The following HDAC11 variants were observed in gnomAD, a reference collection of about 807,000 sequenced individuals.
HDAC11 encodes histone deacetylase 11.
A neutral mutation model predicts 41.1 loss-of-function variants in HDAC11; 23 were observed. The observed-to-expected ratio is 0.56, with a 90% CI of 0.40 to 0.79. HDAC11 has a LOEUF of 0.79. HDAC11 is among the 30% of genes least tolerant of loss of function. HDAC11 has a pLI of 0.00. For missense variants in HDAC11, 402 were observed against 477.3 expected (o/e 0.84, Z 1.47); for synonymous variants, 187 against 186.6 (o/e 1.00, Z -0.02).
At chr3:13,496,226 G>C (rs1702088044) in intron 3 of HDAC11, among the ~76,000 whole-genome samples, 1 of 152,222 alleles carries the variant, frequency 6.6e-6, no homozygotes, top group Admixed American at 6.5e-5. Context: ...TTGCCAGGAA[G>C]GTCCGATTCC....
At chr3:13,486,104 C>G (rs1200645892) in intron 3 of HDAC11, among the ~76,000 whole-genome samples, 2 of 151,764 alleles carry the variant, frequency 1.3e-5, no homozygotes, top group Non-Finnish European at 2.9e-5. Context: ...CCTGTCTCTA[C>G]TAAAACTACA....
intron 3 of HDAC11, among the ~76,000 whole-genome samples, chr3:13,488,155 G>GA (rs1403060764): frequency 6.6e-6 from 1 of 151,900 alleles, no homozygotes; most frequent in African/African-American, 2.4e-5. Context: ...GGAGCACCTG[G>GA]AGGGACCCTG....
chr3:13,481,990 C>A (rs553962293), intron 2 of HDAC11, among the ~76,000 whole-genome samples: 1 of 152,166 alleles, frequency 6.6e-6, no homozygotes, highest in Non-Finnish European at 1.5e-5. Flanking sequence ...ATATGGCACT[C>A]ATTATAAGAT....
In HDAC11 at chr3:13,502,554, C is replaced by G. The variant is rs925074381; in HGVS notation, c.553-330C>G. 2 of 263,522 alleles carry G rather than the reference C, an allele frequency of 7.6e-6. No individual in the cohort carries two copies. Among genetic ancestry groups the G allele is most frequent in the Non-Finnish European group, 1.5e-5 (2 of 135,668 alleles). 16.3% of individuals were successfully genotyped at this position (263,522 alleles called of 1,614,324 possible). A position where few individuals can be genotyped will look rare whatever the true frequency, so the allele number is the denominator to read the frequency against. On this transcript the variant is annotated intron_variant, in intron 7 of 9. Transcript: ENST00000295757. This position sits in a 1 kb window ranked among gnomAD's most constrained non-coding sequence, Gnocchi z 4.1. ...GACCCCGAACTCCTGAGCCAGGTCA[C>G]ATGTGGACAGTCCTTTACAGTTTGC...
At position 13,480,407 on chromosome 3, in the gene HDAC11, C is replaced by T. The variant is rs538517688; in HGVS notation, c.2+58C>T. The T allele has an allele frequency of 9.3e-7, 1 of 1,070,446 alleles. No individual in the cohort carries two copies. Among genetic ancestry groups the T allele is most frequent in the African/African-American group, 1.7e-5 (1 of 59,596 alleles). 66.3% of individuals were successfully genotyped at this position (1,070,446 alleles called of 1,614,324 possible). On this transcript the variant is annotated intron_variant, in intron 1 of 9. Coordinates refer to ENST00000295757, the MANE Select transcript of HDAC11 (RefSeq NM_024827.4). The surrounding 1 kb of genome is among the most constrained non-coding windows in gnomAD (Gnocchi z 4.6). ...TCCCAGGGGTCCCGGTGGGCGGGCG[C>T]GCTAGGGCGAGGGCGGGGACGGCCG... is the stretch of plus-strand genomic sequence containing the variant.
rs778570866 is a variant in HDAC11 at position 13,504,276 on chromosome 3, C to T, written c.828+4C>T. 11 of 1,612,608 alleles carry T rather than the reference C, an allele frequency of 6.8e-6. No homozygotes were observed. Among genetic ancestry groups the T allele is most frequent in the Admixed American group, 3.3e-5 (2 of 60,012 alleles). ...GGGGCTGTCCATCAGCCCAGCGGTA[C>T]GTCCTGACCCTTGGGGCCACGGGAG... On this transcript the variant is annotated splice_donor_region_variant and intron_variant, in intron 9 of 9. Transcript: ENST00000295757.
At chr3:13,497,446 T>G (rs1702152043) in intron 4 of HDAC11, among the ~76,000 whole-genome samples, 1 of 152,138 alleles carries the variant, frequency 6.6e-6, no homozygotes, top group Non-Finnish European at 1.5e-5. Flanking sequence ...CCCAAAGTAC[T>G]GGGATTACAG....
intron 3 of HDAC11, among the ~76,000 whole-genome samples, chr3:13,486,339 C>T (rs1015731530): frequency 4.0e-5 from 6 of 149,690 alleles, no homozygotes; most frequent in Non-Finnish European, 8.9e-5. Flanking sequence ...TATTGAATGC[C>T]AACTGTACAG....
chr3:13,493,349 G>A (rs79011084), intron 3 of HDAC11, among the ~76,000 whole-genome samples: 2,301 of 152,128 alleles, frequency 0.015, 46 homozygotes, highest in African/African-American at 0.052. Context: ...CCCGCCACTA[G>A]TCCGCCCCAC....
chr3:13,506,168 G>A lies in HDAC11; in HGVS notation c.*1485G>A, dbSNP rs942655101. On this transcript the variant is annotated 3_prime_UTR_variant, in exon 10 of 10. Coordinates refer to ENST00000295757, the MANE Select transcript of HDAC11 (RefSeq NM_024827.4). The stretch of plus-strand genomic sequence containing the variant: ...TGCCGTTGGTCTCTGTCGCTGACTC[G>A]AGGCACCTAACATCCATTCACACCC... 3 of 152,292 alleles carry A rather than the reference G, an allele frequency of 2.0e-5. No individual in the cohort carries two copies. Among genetic ancestry groups the A allele is most frequent in the East Asian group, 1.9e-4 (1 of 5,176 alleles). The allele number at this position is 152,292 out of a possible 1,614,324, so 9.4% of individuals were successfully genotyped here.
At chr3:13,496,924 C>G (rs1303064178) in intron 4 of HDAC11, 72 bp downstream of exon 4, 1 of 699,226 alleles carries the variant, frequency 1.4e-6, no homozygotes, top group African/African-American at 1.9e-5. Flanking sequence ...CTCCTTTGCC[C>G]TGGAATGCCC....
At chr3:13,488,583 T>C (rs568840031) in intron 3 of HDAC11, among the ~76,000 whole-genome samples, 2 of 152,364 alleles carry the variant, frequency 1.3e-5, no homozygotes, top group South Asian at 2.1e-4. Flanking sequence ...ATCTGTGTTG[T>C]GTTGTAGCAT....
chr3:13,485,617 A>G (rs908079390), intron 3 of HDAC11, among the ~76,000 whole-genome samples: 24 of 152,276 alleles, frequency 1.6e-4, no homozygotes, highest in East Asian at 5.8e-4. Context: ...GCAGCTTACT[A>G]TGTGATATAT....
chr3:13,491,352 G>A (rs1046105167), intron 3 of HDAC11, among the ~76,000 whole-genome samples: 1 of 151,912 alleles, frequency 6.6e-6, no homozygotes, highest in African/African-American at 2.4e-5. Context: ...ATTTTTTAAC[G>A]CCTTTTATCA....
chr3:13,501,777 C>A, intron 6 of HDAC11, 94 bp from the exon 7 acceptor site: 3 of 1,137,752 alleles, frequency 2.6e-6, no homozygotes, highest in South Asian at 1.2e-5. Flanking sequence ...ATTAGGCCCC[C>A]CTCCCCGCCC....
intron 3 of HDAC11, among the ~76,000 whole-genome samples, chr3:13,483,947 T>G (rs977446487): frequency 9.2e-5 from 14 of 152,088 alleles, no homozygotes; most frequent in Non-Finnish European, 1.0e-4. Context: ...TTTGTTTGTT[T>G]GTTCATTTTT....
intron 3 of HDAC11, among the ~76,000 whole-genome samples, chr3:13,493,734 G>A (rs142124062): frequency 1.3e-5 from 2 of 152,314 alleles, no homozygotes; most frequent in African/African-American, 4.8e-5. Flanking sequence ...TGAGGGGCTC[G>A]TCTCGCCAAC....
chr3:13,500,849 G>A (rs2125010864), intron 6 of HDAC11, 60 bp downstream of exon 6: 1 of 1,243,136 alleles, frequency 8.0e-7, no homozygotes. Flanking sequence ...CCTCCCCATA[G>A]CTCCAAATTA....
At chr3:13,485,742 A>C (rs1330174154) in intron 3 of HDAC11, among the ~76,000 whole-genome samples, 1 of 152,148 alleles carries the variant, frequency 6.6e-6, no homozygotes, top group Non-Finnish European at 1.5e-5. Flanking sequence ...CTATGATTGC[A>C]CCACTGCACT....
Sources: gnomAD v4.1 joint callset for allele counts (sites outside exome capture counted in the v4.1 genomes callset) on GRCh38, gnomAD v4.1.1 for gene constraint, Gnocchi (gnomAD v3.1) non-coding constraint, MANE v1.5 for transcripts, NCBI Gene and HGNC (gene_info 2026-07-23, HGNC 2026-07-21) for gene names.